UMAD1: variants seen among roughly 807,000 people sequenced by gnomAD.
The protein encoded by UMAD1 is UBAP1-MVB12-associated (UMA) domain containing 1, also known as UBAP1-MVB12-associated (UMA)-domain containing protein 1.
In UMAD1, 8 loss-of-function variants were observed where a neutral mutation model predicts 6.1. The observed-to-expected ratio is 1.30, with a 90% CI of 0.76 to 2.35. The LOEUF (loss-of-function observed/expected upper bound fraction) is 2.35, where lower values mean the gene tolerates loss of function less well. Among genes scored for constraint, UMAD1 ranks in the 30% most tolerant of loss-of-function variants. The pLI, the probability that UMAD1 is intolerant of heterozygous loss-of-function variation, is 0.00. For synonymous variants in UMAD1, 56 were observed against 31.4 expected (o/e 1.78, Z -2.61); for missense variants, 130 against 78.4 (o/e 1.66, Z -2.49).
At chr7:7,645,441 T>C (rs955438740) in intron 1 of UMAD1, among the ~76,000 whole-genome samples, 20 of 152,204 alleles carry the variant, frequency 1.3e-4, no homozygotes, top group African/African-American at 4.8e-4. Context: ...ACATTCAATA[T>C]CTAGTTCCAT....
chr7:7,871,585 T>C (rs1412880646), intron 3 of UMAD1, among the ~76,000 whole-genome samples: 1 of 152,232 alleles, frequency 6.6e-6, no homozygotes, highest in Non-Finnish European at 1.5e-5. Flanking sequence ...GACACAGTGT[T>C]CCGTATATGC....
intron 2 of UMAD1, among the ~76,000 whole-genome samples, chr7:7,786,650 C>T (rs1188212772): frequency 2.0e-5 from 3 of 151,958 alleles, no homozygotes; most frequent in African/African-American, 7.3e-5. Context: ...TGGATTATTG[C>T]CCACTGAATT....
rs2160139 is a variant in UMAD1, at chr7:7,755,659, A to G, written c.83-46011A>G. On this transcript the variant is annotated intron_variant, in intron 2 of 3. Coordinates refer to ENST00000682710, the MANE Select transcript of UMAD1 (RefSeq NM_001302348.2). ...CTCCAAAATGGTTTCCAAGTGCATT[A>G]AAAGTCAAGGAGAGTTTTGCAGAAA... 1.1e-4 allele frequency among the ~76,000 whole-genome samples: 17 copies of G among 152,362 alleles called. No homozygotes were observed. The South Asian group carries it at 3.3e-3, about 30-fold the overall frequency.
intron 3 of UMAD1, among the ~76,000 whole-genome samples, chr7:7,846,309 A>C (rs1448698259): frequency 6.6e-6 from 1 of 152,180 alleles, no homozygotes; most frequent in Non-Finnish European, 1.5e-5. Context: ...TTTCTTTAAA[A>C]TATCTTTAGT....
chr7:7,829,009 C>T (rs1373561862), intron 3 of UMAD1, among the ~76,000 whole-genome samples: 1 of 152,256 alleles, frequency 6.6e-6, no homozygotes, highest in Non-Finnish European at 1.5e-5. Context: ...TAAGGGATAA[C>T]ATGTCTATAT....
At chr7:7,845,587 A>T (rs527793623) in intron 3 of UMAD1, among the ~76,000 whole-genome samples, 2 of 152,128 alleles carry the variant, frequency 1.3e-5, no homozygotes, top group Admixed American at 1.3e-4. Flanking sequence ...AGAATTTTTC[A>T]CTGAACTCTT....
intron 2 of UMAD1, among the ~76,000 whole-genome samples, chr7:7,734,092 T>G (rs568292952): frequency 6.6e-6 from 1 of 152,136 alleles, no homozygotes; most frequent in South Asian, 2.1e-4. Flanking sequence ...ACTTTTGATG[T>G]TTTTGATCAA....
At chr7:7,740,786 T>A (rs1339668884) in intron 2 of UMAD1, 1 of 152,226 alleles carries the variant, frequency 6.6e-6, no homozygotes, top group East Asian at 1.9e-4. Context: ...TTGAAGACAA[T>A]TTGAAAACTG....
intron 1 of UMAD1, among the ~76,000 whole-genome samples, chr7:7,656,007 G>A (rs1205040318): frequency 6.6e-6 from 1 of 152,016 alleles, no homozygotes; most frequent in African/African-American, 2.4e-5. Context: ...GGCTAATTTT[G>A]TATTTTTAGT....
chr7:7,760,496 C>A (rs1203276158), intron 2 of UMAD1, among the ~76,000 whole-genome samples: 1 of 151,306 alleles, frequency 6.6e-6, no homozygotes, highest in Non-Finnish European at 1.5e-5. Flanking sequence ...CAATAGATAA[C>A]TGGAATACCA....
At chr7:7,814,500 T>C (rs911199554) in intron 3 of UMAD1, among the ~76,000 whole-genome samples, 1 of 152,210 alleles carries the variant, frequency 6.6e-6, no homozygotes, top group Non-Finnish European at 1.5e-5. Flanking sequence ...ATGCTCCTGT[T>C]CTATATTTTT....
chr7:7,756,924 G>A (rs1781789773), intron 2 of UMAD1, among the ~76,000 whole-genome samples: 1 of 152,180 alleles, frequency 6.6e-6, no homozygotes, highest in Non-Finnish European at 1.5e-5. Flanking sequence ...CTTTGGCACT[G>A]CTACAGTGTG....
At chr7:7,865,606 C>T (rs10262773) in intron 3 of UMAD1, among the ~76,000 whole-genome samples, 14,087 of 152,194 alleles carry the variant, frequency 0.093, 849 homozygotes, top group Admixed American at 0.15. Flanking sequence ...CTGCCCATCC[C>T]CTTGCCTACC....
chr7:7,798,112 G>C (rs533306307), intron 2 of UMAD1, among the ~76,000 whole-genome samples: 1 of 152,250 alleles, frequency 6.6e-6, no homozygotes, highest in East Asian at 1.9e-4. Flanking sequence ...CACACATTAG[G>C]TTACATATTT....
At chr7:7,795,067 A>G (rs1583830331) in intron 2 of UMAD1, among the ~76,000 whole-genome samples, 1 of 152,198 alleles carries the variant, frequency 6.6e-6, no homozygotes, top group African/African-American at 2.4e-5. Flanking sequence ...CTACTTTGAG[A>G]TATCCCAACT....
chr7:7,758,251 A>G (rs778689620), intron 2 of UMAD1, among the ~76,000 whole-genome samples: 18 of 151,732 alleles, frequency 1.2e-4, no homozygotes, highest in Admixed American at 2.0e-4. Context: ...TATTTTGAGA[A>G]CTAGAGTCGT....
chr7:7,825,364 G>A (rs190346567), intron 3 of UMAD1, among the ~76,000 whole-genome samples: 1 of 152,174 alleles, frequency 6.6e-6, no homozygotes. Context: ...TTTTCATGCT[G>A]CTGATAAAAA....
chr7:7,822,449 A>G (rs1283162634), intron 3 of UMAD1, among the ~76,000 whole-genome samples: 1 of 151,982 alleles, frequency 6.6e-6, no homozygotes, highest in Non-Finnish European at 1.5e-5. Context: ...TTTGTATATC[A>G]TGCAAAGGAC....
intron 3 of UMAD1, among the ~76,000 whole-genome samples, chr7:7,802,029 T>C (rs192005869): frequency 1.3e-5 from 2 of 152,398 alleles, no homozygotes; most frequent in African/African-American, 4.8e-5. Context: ...TGAGTGATTA[T>C]GTACTAATAT....
Sources: gnomAD v4.1 joint callset for allele counts (sites outside exome capture counted in the v4.1 genomes callset) on GRCh38, gnomAD v4.1.1 for gene constraint, MANE v1.5 for transcripts, NCBI Gene and HGNC (gene_info 2026-07-23, HGNC 2026-07-21) for gene names.